The following CNNM3 variants were observed in gnomAD, a reference collection of about 807,000 sequenced individuals.
CNNM3 encodes the protein cyclin and CBS domain divalent metal cation transport mediator 3.
In CNNM3, 47 loss-of-function variants were observed where a neutral mutation model predicts 57.1. The ratio of observed to expected loss-of-function variants is 0.82; its 90% confidence interval spans 0.65 to 1.05. The LOEUF is 1.05. Among genes scored for constraint, CNNM3 ranks in the 50% least tolerant of loss-of-function variants. The probability of loss-of-function intolerance (pLI) is 0.00; values close to 1 mark genes in which losing one functional copy is unlikely to be tolerated. For missense variants in CNNM3, 957 were observed against 973.7 expected (o/e 0.98, Z 0.23); for synonymous variants, 507 against 478.2 (o/e 1.06, Z -0.79).
At chr2:96,829,287 A>C (rs2079563037) in intron 7 of CNNM3, 153 bp downstream of exon 7, 1 of 870,396 alleles carries the variant, frequency 1.1e-6, no homozygotes, top group African/African-American at 1.9e-5. Context: ...ATATATCTAT[A>C]TATAAATAAT....
At chr2:96,830,805 G>A (rs916343568) in intron 7 of CNNM3, among the ~76,000 whole-genome samples, 2 of 152,212 alleles carry the variant, frequency 1.3e-5, no homozygotes, top group African/African-American at 4.8e-5. Context: ...TGGACGAGTA[G>A]CTAGTGCCGC....
At chr2:96,836,050 G>T (rs2079686404), downstream of CNNM3, among the ~76,000 whole-genome samples, 1 of 150,436 alleles carries the variant, frequency 6.6e-6, no homozygotes, top group African/African-American at 2.5e-5. Context: ...GTTTCCATTG[G>T]TCTGTAGCTT....
At chr2:96,828,815 A>G in intron 6 of CNNM3, 115 bp downstream of exon 6, 2 of 1,500,132 alleles carry the variant, frequency 1.3e-6, no homozygotes, top group South Asian at 2.5e-5. Flanking sequence ...CCTGAGGGAC[A>G]CAGACCTTTG....
downstream of CNNM3, chr2:96,836,964 C>G (rs2079698270): frequency 6.6e-6 from 1 of 152,170 alleles, no homozygotes; most frequent in Admixed American, 6.5e-5. Flanking sequence ...TGCTCCAGCA[C>G]CGTTTGTTGA....
Position 96,827,839 on chromosome 2 carries a change from C to T in CNNM3, c.1628C>T (p.Ala543Val). 6.2e-7 allele frequency: 1 copy of T among 1,614,192 alleles called. No individual in the cohort carries two copies. The highest frequency in any genetic ancestry group is 8.5e-7 in the Non-Finnish European group (1 of 1,180,036). The part of the protein sequence containing the change: ...EVRFDESNRL[A>V]THHYLYQRSQ... ...AGGTTTGACGAGAGCAACCGGCTGG[C>T]CACACACCACTACCTGTACCAGCGC... The change falls in exon 4 of 8, where the codon GCC (alanine) becomes GTC (valine). Residue 543 changes from alanine (A) to valine (V), a missense_variant. Transcript: ENST00000305510.
Position 96,816,652 on chromosome 2 carries a change from C to T in CNNM3, c.375C>T (p.Gly125=), listed in dbSNP as rs940083262. 6 of 1,076,126 alleles carry T rather than the reference C, an allele frequency of 5.6e-6. No homozygotes were observed. Among genetic ancestry groups the T allele is most frequent in the South Asian group, 8.7e-5 (2 of 23,002 alleles). The allele number at this position is 1,076,126 out of a possible 1,614,324, so 66.7% of individuals were successfully genotyped here. ...TGGCGGTGCGCGTGGAGCCGGGTGGCGGGGCGGCTGAGGAGGCGGCGCCGC... is the reference window on the plus strand; with the variant it reads ...TGGCGGTGCGCGTGGAGCCGGGTGGTGGGGCGGCTGAGGAGGCGGCGCCGC... ...ALLAVRVEPG[G]GAAEEAAPPW... is the part of the protein sequence containing the mutation. Residue 125 remains glycine, a synonymous_variant, in exon 1 of 8, where the codon GGC becomes GGT. Transcript: ENST00000305510.
chr2:96,825,153 A>T lies in CNNM3; in HGVS notation c.1321A>T (p.Ile441Phe). 6.2e-7 allele frequency: 1 copy of T among 1,614,094 alleles called. No homozygotes were observed. Among genetic ancestry groups the T allele is most frequent in the Non-Finnish European group, 8.5e-7 (1 of 1,179,988 alleles). Residue 441 changes from isoleucine to phenylalanine, a missense_variant, in exon 2 of 8, where the codon ATC (isoleucine) becomes TTC (phenylalanine). Physicochemically the swap from Ile to Phe is conservative, Grantham distance 21 (BLOSUM62 0). Around this residue, in one of 2 missense-constraint regions of CNNM3, gnomAD observed 491 missense variants for 570.6 expected, o/e 0.86. Transcript: ENST00000305510. ...GGGCCTGGTCACCCTGGAGGACGTG[A>T]TCGAGGAGATCATCAGGTCCGAGAT... ...VLGLVTLEDV[I>F]EEIIRSEILD...
intron 7 of CNNM3, among the ~76,000 whole-genome samples, chr2:96,830,882 C>G (rs1446511042): frequency 6.6e-6 from 1 of 152,154 alleles, no homozygotes; most frequent in Non-Finnish European, 1.5e-5. Flanking sequence ...ATGGGGTGCC[C>G]CTTCTACAGA....
At chr2:96,835,524 A>G (rs1049984278), downstream of CNNM3, among the ~76,000 whole-genome samples, 54 of 148,226 alleles carry the variant, frequency 3.6e-4, no homozygotes, top group African/African-American at 1.3e-3. Context: ...GCTGGAGTGC[A>G]GTGGCGCAGT....
At chr2:96,835,561 C>T (rs545693445), downstream of CNNM3, among the ~76,000 whole-genome samples, 241 of 151,992 alleles carry the variant, frequency 1.6e-3, no homozygotes, top group African/African-American at 5.5e-3. Context: ...CTCTGCCTCC[C>T]GGGTTCATGC....
downstream of CNNM3, chr2:96,836,691 C>G (rs1381324117): frequency 2.6e-5 from 4 of 152,206 alleles, no homozygotes; most frequent in African/African-American, 9.7e-5. Flanking sequence ...TCTTTTCACC[C>G]TCTTAACAGG....
In CNNM3 at chr2:96,825,113, C is replaced by A. The variant is rs1396203210; in HGVS notation, c.1281C>A (p.Pro427=). 6.2e-7 allele frequency: 1 copy of A among 1,614,070 alleles called. No individual in the cohort carries two copies. The highest frequency in any genetic ancestry group is 1.3e-5 in the African/African-American group (1 of 75,052). Residue 427 remains proline (P), a synonymous_variant, in exon 2 of 8, where the codon CCC becomes CCA. Transcript: ENST00000305510. ...QKVNNEGEGD[P]FYEVLGLVTL... ...TGAACAACGAGGGTGAAGGCGACCC[C>A]TTCTACGAGGTCCTGGGCCTGGTCA...
chr2:96,833,180 C>T lies in CNNM3; in HGVS notation c.*564C>T, dbSNP rs1308302387. ...TCAGCGCATGCGCCCCAGCCTTTCC[C>T]ATGTGCCAAACCAGAAGCTCCACTG... On this transcript the variant is annotated 3_prime_UTR_variant, in exon 8 of 8. Transcript: ENST00000305510. 5 of 434,302 alleles carry T rather than the reference C, an allele frequency of 1.2e-5. No individual in the cohort carries two copies. The highest frequency in any genetic ancestry group is 1.9e-5 in the South Asian group (1 of 52,592). The allele number at this position is 434,302 out of a possible 1,614,324, so 26.9% of individuals were successfully genotyped here. A position where few individuals can be genotyped will look rare whatever the true frequency, so the allele number is the denominator to read the frequency against.
At chr2:96,829,206 ACT>A in intron 7 of CNNM3, 72 bp downstream of exon 7, 1 of 1,507,142 alleles carries the variant, frequency 6.6e-7, no homozygotes. Context: ...ACAGACTTGC[ACT>A]CTCGCCGCCC....
chr2:96,817,368 A>T lies in CNNM3; in HGVS notation c.1091A>T (p.Tyr364Phe). The change falls in exon 1 of 8, where the codon TAC becomes TTC. Residue 364 changes from tyrosine (Y) to phenylalanine (F), a missense_variant. Tyr to Phe is a conservative substitution (Grantham distance 22). Coordinates refer to ENST00000305510, the MANE Select transcript of CNNM3 (RefSeq NM_017623.5). The part of the protein sequence containing the change: ...EERSNIVDML[Y>F]LKDLAFVDPE... ...CGCTCCAACATCGTGGACATGCTCT[A>T]CCTCAAGGACTTGGCCTTCGTGGAT... 6.2e-7 allele frequency: 1 copy of T among 1,614,106 alleles called. No homozygotes were observed. The highest frequency in any genetic ancestry group is 1.3e-5 in the African/African-American group (1 of 75,042).
At position 96,834,437 on chromosome 2, in the gene CNNM3, C is replaced by T. The variant is rs2079657348; in HGVS notation, c.*1821C>T. 6.6e-6 allele frequency among the ~76,000 whole-genome samples: 1 copy of T among 151,836 alleles called. No individual in the cohort carries two copies. Among genetic ancestry groups the T allele is most frequent in the Non-Finnish European group, 1.5e-5 (1 of 67,988 alleles). On this transcript the variant is annotated 3_prime_UTR_variant, in exon 8 of 8. Coordinates refer to ENST00000305510, the MANE Select transcript of CNNM3 (RefSeq NM_017623.5). The stretch of plus-strand genomic sequence containing the variant: ...ACGGCTTGCTGCAGCCTCGACCTCC[C>T]TGGTTCAGGCCATCCTGCCACCTCA...
chr2:96,824,811 C>T (rs749019115), intron 1 of CNNM3: 1 of 511,788 alleles, frequency 2.0e-6, no homozygotes, highest in African/African-American at 1.9e-5. Context: ...CCAGCTCTGC[C>T]TGGGGGGCCT....
At chr2:96,818,721 G>C (rs2079363194) in intron 1 of CNNM3, among the ~76,000 whole-genome samples, 1 of 152,168 alleles carries the variant, frequency 6.6e-6, no homozygotes, top group South Asian at 2.1e-4. Context: ...ATCCTTAGTG[G>C]TGCTCCCCAG....
intron 3 of CNNM3, 109 bp downstream of exon 3, chr2:96,827,091 C>T (rs1000403109): frequency 8.0e-6 from 10 of 1,256,140 alleles, no homozygotes; most frequent in East Asian, 2.4e-5. Flanking sequence ...CAGGCGGGTG[C>T]GTCTTGAGGA....
Sources: allele counts gnomAD v4.1 joint callset (sites outside exome capture counted in the v4.1 genomes callset), GRCh38; gene constraint gnomAD v4.1.1; regional missense constraint gnomAD v4.1.1; transcripts MANE v1.5; gene names NCBI Gene and HGNC (gene_info 2026-07-23, HGNC 2026-07-21).